Variants in PHACTR2 observed in about 807,000 individuals in gnomAD.
The protein encoded by PHACTR2 is chromosome 6 open reading frame 56.
A neutral mutation model predicts 76.0 loss-of-function variants in PHACTR2; 30 were observed. The ratio of observed to expected loss-of-function variants is 0.39; its 90% CI spans 0.30 to 0.54. The LOEUF (loss-of-function observed/expected upper bound fraction) is 0.54. PHACTR2 is among the 20% of genes least tolerant of loss of function. The pLI is 0.61. For missense variants in PHACTR2, 696 were observed against 781.1 expected (o/e 0.89, Z 1.30); for synonymous variants, 292 against 292.5 (o/e 1.00, Z 0.02).
intron 1 of PHACTR2, among the ~76,000 whole-genome samples, chr6:143,577,770 T>C (rs1478613374): frequency 8.3e-6 from 1 of 120,648 alleles, no homozygotes; most frequent in African/African-American, 3.0e-5. Flanking sequence ...ATATCGTCGA[T>C]GGAAAAAAAA....
At position 143,765,288 on chromosome 6, in the gene PHACTR2, C is replaced by T. The variant is rs374075677; in HGVS notation, c.722C>T (p.Thr241Ile). 198 of 1,613,098 alleles carry T rather than the reference C, an allele frequency of 1.2e-4. No homozygotes were observed. Among genetic ancestry groups the T allele is most frequent in the Non-Finnish European group, 1.6e-4 (185 of 1,179,690 alleles). ...AAGSSHSKKT[T>I]GSKASASPST... is the part of the protein sequence containing the mutation. The stretch of plus-strand genomic sequence containing the variant: ...GGCTCCTCTCATTCAAAAAAAACAA[C>T]TGGCTCTAAAGCATCAGCTTCGCCA... The change falls in exon 6 of 13, where the codon ACT becomes ATT. Residue 241 changes from threonine to isoleucine, a missense_variant. By Grantham distance (89) the Thr-to-Ile change is moderately conservative. Around this residue, in one of 2 missense-constraint regions of PHACTR2, gnomAD observed 460 missense variants for 450.9 expected, o/e 1.02. Coordinates refer to ENST00000440869, the MANE Select transcript of PHACTR2 (RefSeq NM_001100164.2). The surrounding 1 kb of genome is among the most constrained non-coding windows in gnomAD (Gnocchi z 4.1).
In PHACTR2 at chr6:143,646,493, C is replaced by G. The variant is rs895337306; in HGVS notation, c.13+38171C>G. 1.3e-5 allele frequency among the ~76,000 whole-genome samples: 2 copies of G among 152,076 alleles called. No individual in the cohort carries two copies. Among genetic ancestry groups the G allele is most frequent in the African/African-American group, 4.8e-5 (2 of 41,406 alleles). ...AGGCAAACACATACATGTATTTTAA[C>G]ATAATATGATGACTACTTAGACATA... On this transcript the variant is annotated intron_variant, in intron 1 of 11. Coordinates refer to the PHACTR2 transcript ENST00000305766. The surrounding 1 kb of genome is among the most constrained non-coding windows in gnomAD (Gnocchi z 4.1).
chr6:143,779,684 A>G (rs984695783), intron 9 of PHACTR2, among the ~76,000 whole-genome samples: 2 of 152,156 alleles, frequency 1.3e-5, no homozygotes, highest in East Asian at 3.9e-4. Flanking sequence ...CTAGAAAACT[A>G]ATTCACAGAA....
intron 1 of PHACTR2, among the ~76,000 whole-genome samples, chr6:143,657,510 GT>G (rs754433170): frequency 7.9e-5 from 12 of 152,162 alleles, no homozygotes; most frequent in Admixed American, 3.3e-4. Flanking sequence ...CAGGAAAATG[GT>G]TTTGAAGGTC....
rs74752809 is a variant in PHACTR2, at chr6:143,630,374, G to A, written c.13+22052G>A. 6.6e-3 allele frequency among the ~76,000 whole-genome samples: 1,001 copies of A among 151,840 alleles called. 24 individuals carry two copies. The East Asian group carries it at 0.091, about 14-fold the overall frequency. On this transcript the variant is annotated intron_variant, in intron 1 of 11. Coordinates refer to the PHACTR2 transcript ENST00000305766. ...TACCAAATGTTTGACTTGATGACATGTTTAAATTAAATACAATTGTAGAAT... is the reference window on the plus strand; with the variant it reads ...TACCAAATGTTTGACTTGATGACATATTTAAATTAAATACAATTGTAGAAT...
At position 143,618,849 on chromosome 6, in the gene PHACTR2, C is replaced by T. The variant is rs529449151; in HGVS notation, c.13+10527C>T. On this transcript the variant is annotated intron_variant, in intron 1 of 11. Transcript: ENST00000305766. This position sits in a 1 kb window ranked among gnomAD's most constrained non-coding sequence, Gnocchi z 5.2. ...ACTCTCTTCTACCCCTGTTGGAACA[C>T]GTAGCAGATATACCATCATGCTGCT... is the stretch of plus-strand genomic sequence containing the variant. Among the ~76,000 whole-genome samples, 4 of 152,192 alleles carry T rather than the reference C, an allele frequency of 2.6e-5. No homozygotes were observed. Among genetic ancestry groups the T allele is most frequent in the South Asian group, 2.1e-4 (1 of 4,818 alleles).
rs1045192057 is a variant in PHACTR2 at position 143,581,499 on chromosome 6, C to T, written c.217+44292C>T. 6.6e-6 allele frequency among the ~76,000 whole-genome samples: 1 copy of T among 152,116 alleles called. No individual in the cohort carries two copies. Among genetic ancestry groups the T allele is most frequent in the Non-Finnish European group, 1.5e-5 (1 of 68,026 alleles). ...GGAAGGAGAGAAGGGACCTTTTCTG[C>T]AGACGGTGGCCTGGAGAAGAAGCTC... On this transcript the variant is annotated intron_variant, in intron 1 of 11. Transcript: ENST00000367584. This position sits in a 1 kb window ranked among gnomAD's most constrained non-coding sequence, Gnocchi z 4.5.
intron 1 of PHACTR2, among the ~76,000 whole-genome samples, chr6:143,567,976 G>T (rs1775386325): frequency 6.6e-6 from 1 of 152,074 alleles, no homozygotes; most frequent in Admixed American, 6.6e-5. Context: ...AGAGAATTTT[G>T]GTATAGTCGC....
At position 143,708,314 on chromosome 6, in the gene PHACTR2, T is replaced by C. The variant is rs964475618; in HGVS notation, c.47-3702T>C. On this transcript the variant is annotated intron_variant, in intron 1 of 12. Coordinates refer to ENST00000440869, the MANE Select transcript of PHACTR2 (RefSeq NM_001100164.2). The surrounding 1 kb of genome is among the most constrained non-coding windows in gnomAD (Gnocchi z 5.5). Reference sequence around the variant, plus strand: ...CAGTGGGAAGATAGACTGAGCTGTGTCATTTAAAGTCTCTACATTTGATTA... The same window carrying C: ...CAGTGGGAAGATAGACTGAGCTGTGCCATTTAAAGTCTCTACATTTGATTA... Among the ~76,000 whole-genome samples, 2 of 152,234 alleles carry C rather than the reference T, an allele frequency of 1.3e-5. No homozygotes were observed. The highest frequency in any genetic ancestry group is 4.8e-5 in the African/African-American group (2 of 41,466).
chr6:143,725,198 CTTTTTTTTTTTTT>C (rs59963214), intron 2 of PHACTR2, among the ~76,000 whole-genome samples: 5 of 61,842 alleles, frequency 8.1e-5, no homozygotes, highest in Admixed American at 4.2e-4. Flanking sequence ...TTTGTGCTGT[CTTTTTTTTTTTTT>C]TTTTTTTTTT....
intron 1 of PHACTR2, among the ~76,000 whole-genome samples, chr6:143,588,453 G>GT (rs56668741): frequency 5.3e-5 from 8 of 152,030 alleles, no homozygotes; most frequent in Middle Eastern, 3.4e-3. Flanking sequence ...CATTCTCAAA[G>GT]GTATGAGTGG....
At chr6:143,661,338 A>G (rs567537727) in intron 1 of PHACTR2, among the ~76,000 whole-genome samples, 3 of 152,296 alleles carry the variant, frequency 2.0e-5, no homozygotes, top group Admixed American at 6.5e-5. Flanking sequence ...ACACTGTAAC[A>G]CATCTATAAA....
rs766636487 is a variant in PHACTR2, at chr6:143,558,746, CTT to C, written c.217+21541_217+21542del. Among the ~76,000 whole-genome samples, 31 of 152,174 alleles carry C rather than the reference CTT, an allele frequency of 2.0e-4. No homozygotes were observed. The highest frequency in any genetic ancestry group is 2.9e-4 in the Non-Finnish European group (20 of 68,026). ...CGTTTTACAAAGTCGAGCTCATGCTCTTTGTTTCCCAACTGGCCTTTGAGTAC... is the reference window on the plus strand; with the variant it reads ...CGTTTTACAAAGTCGAGCTCATGCTCTGTTTCCCAACTGGCCTTTGAGTAC... On this transcript the variant is annotated intron_variant, in intron 1 of 11. Coordinates refer to the PHACTR2 transcript ENST00000367584. The surrounding 1 kb of genome is among the most constrained non-coding windows in gnomAD (Gnocchi z 4.7).
At position 143,827,104 on chromosome 6, in the gene PHACTR2, C is replaced by T. The variant is rs1776545121; in HGVS notation, c.*3415C>T. ...CTTAAAACCTGAGTCAAAAAAGGTC[C>T]AGTTTTACAGCCTGCAATTAATTCA... On this transcript the variant is annotated 3_prime_UTR_variant, in exon 13 of 13. Transcript: ENST00000440869. 2 of 138,394 alleles carry T rather than the reference C, an allele frequency of 1.4e-5. No homozygotes were observed. Among genetic ancestry groups the T allele is most frequent in the South Asian group, 2.3e-4 (1 of 4,394 alleles). The allele number at this position is 138,394 out of a possible 1,614,324, so 8.6% of individuals were successfully genotyped here. A position where few individuals can be genotyped will look rare whatever the true frequency, so the allele number is the denominator to read the frequency against.
chr6:143,565,766 A>T (rs1189104507), intron 1 of PHACTR2, among the ~76,000 whole-genome samples: 1 of 152,060 alleles, frequency 6.6e-6, no homozygotes, highest in Non-Finnish European at 1.5e-5. Context: ...AGGAGGTAGG[A>T]GGGCCCCAGA....
intron 1 of PHACTR2, among the ~76,000 whole-genome samples, chr6:143,651,940 G>A (rs1286711302): frequency 6.6e-6 from 1 of 151,656 alleles, no homozygotes; most frequent in Non-Finnish European, 1.5e-5. Flanking sequence ...GGCCATGTGA[G>A]GACATAGAGA....
chr6:143,684,383 TCAG>T lies in PHACTR2; in HGVS notation c.46+6178_46+6180del, dbSNP rs1554219910. Among the ~76,000 whole-genome samples, 1 of 152,188 alleles carries T rather than the reference TCAG, an allele frequency of 6.6e-6. No homozygotes were observed. Among genetic ancestry groups the T allele is most frequent in the Non-Finnish European group, 1.5e-5 (1 of 68,028 alleles). On this transcript the variant is annotated intron_variant, in intron 1 of 12. Transcript: ENST00000440869. This position sits in a 1 kb window ranked among gnomAD's most constrained non-coding sequence, Gnocchi z 4.3. ...TCCTTTCCCCCTCCACATGGATCCA[TCAG>T]CAGGTCTTGTTCTTTTTTCTTCCCA...
chr6:143,631,651 C>T (rs960171746), intron 1 of PHACTR2, among the ~76,000 whole-genome samples: 2 of 152,112 alleles, frequency 1.3e-5, no homozygotes, highest in Non-Finnish European at 2.9e-5. Flanking sequence ...AATTCTTAAC[C>T]GATAATGTCC....
intron 11 of PHACTR2, among the ~76,000 whole-genome samples, chr6:143,790,707 T>A (rs1422587218): frequency 6.7e-6 from 1 of 149,410 alleles, no homozygotes; most frequent in Non-Finnish European, 1.5e-5. Context: ...GGAGTCTCAC[T>A]CTGTCACCCA....
Sources: allele counts gnomAD v4.1 joint callset (sites outside exome capture counted in the v4.1 genomes callset), GRCh38; gene constraint gnomAD v4.1.1; regional missense constraint gnomAD v4.1.1; non-coding constraint Gnocchi (gnomAD v3.1); transcripts MANE v1.5; gene names NCBI Gene and HGNC (gene_info 2026-07-23, HGNC 2026-07-21).